GALNT14: variants seen among roughly 807,000 people sequenced by gnomAD.
The protein encoded by GALNT14 is UDP-GalNAc:polypeptide N-acetylgalactosaminyltransferase 14.
In GALNT14, 60 loss-of-function variants were observed where a neutral mutation model predicts 77.5. That is an observed-to-expected ratio of 0.77 (90% CI 0.63 to 0.96). The LOEUF (loss-of-function observed/expected upper bound fraction) is 0.96. Among genes scored for constraint, GALNT14 ranks in the 40% least tolerant of loss-of-function variants. GALNT14 has a pLI of 0.00. For synonymous variants in GALNT14, 280 were observed against 281.7 expected (o/e 0.99, Z 0.06); for missense variants, 710 against 731.0 (o/e 0.97, Z 0.33).
chr2:31,028,890 G>A (rs982818113), intron 1 of GALNT14, among the ~76,000 whole-genome samples: 10 of 152,154 alleles, frequency 6.6e-5, no homozygotes, highest in East Asian at 1.9e-4. Flanking sequence ...AAGCAGCAAC[G>A]GCTGAGAGTA....
rs1053824414 is a variant in GALNT14, at chr2:30,966,184, G to A, written c.398+20C>T. ...AGTGCTGGCCCAGAGCTGGCCAACA[G>A]ACAAGCAAGGATGCCTCACCTGCGG... On this transcript the variant is annotated intron_variant, in intron 3 of 14. Coordinates refer to ENST00000349752, the MANE Select transcript of GALNT14 (RefSeq NM_024572.4). 1.2e-6 allele frequency: 2 copies of A among 1,607,652 alleles called. No individual in the cohort carries two copies. The highest frequency in any genetic ancestry group is 2.7e-5 in the African/African-American group (2 of 74,800).
At position 30,956,174 on chromosome 2, in the gene GALNT14, C is replaced by A. The variant is rs1667358715; in HGVS notation, c.467-197G>T. On this transcript the variant is annotated intron_variant, in intron 4 of 14. Transcript: ENST00000349752. ...AGATCACTGCTGTCATACAAGGTGG[C>A]CAGTCTAGGGCAAAGAGGCCTCAAC... Among the ~76,000 whole-genome samples the A allele has an allele frequency of 5.9e-5, 9 of 152,138 alleles. No homozygotes were observed. In the South Asian group the frequency reaches 1.9e-3, roughly 32 times the overall value.
chr2:31,118,064 T>C (rs1217390927), intron 1 of GALNT14, among the ~76,000 whole-genome samples: 1 of 152,204 alleles, frequency 6.6e-6, no homozygotes, highest in Non-Finnish European at 1.5e-5. Context: ...TGAAATGCAA[T>C]CTTGCTGTGT....
the GALNT14 span, among the ~76,000 whole-genome samples, chr2:30,903,341 C>CT: frequency 2.0e-5 from 3 of 152,228 alleles, no homozygotes; most frequent in African/African-American, 7.2e-5. Flanking sequence ...GACATTAATT[C>CT]TTTGAGTGCT....
At chr2:31,093,209 T>G (rs1343252306) in intron 1 of GALNT14, among the ~76,000 whole-genome samples, 1 of 152,004 alleles carries the variant, frequency 6.6e-6, no homozygotes, top group Non-Finnish European at 1.5e-5. Flanking sequence ...TAAAGCAGAT[T>G]TATGGAGAGA....
the GALNT14 span, among the ~76,000 whole-genome samples, chr2:30,897,114 G>A: frequency 6.6e-6 from 1 of 152,024 alleles, no homozygotes; most frequent in Non-Finnish European, 1.5e-5. Context: ...AGCTTTACCT[G>A]CCCCCCACTT....
intron 1 of GALNT14, among the ~76,000 whole-genome samples, chr2:31,111,598 C>CA (rs137928169): frequency 0.15 from 22,958 of 152,068 alleles, 1,745 homozygotes; most frequent in Middle Eastern, 0.18. Flanking sequence ...CCACAAATTG[C>CA]AAAAAAAGCT....
intron 10 of GALNT14, among the ~76,000 whole-genome samples, chr2:30,930,619 C>T (rs184941241): frequency 6.6e-6 from 1 of 152,260 alleles, no homozygotes; most frequent in East Asian, 1.9e-4. Context: ...CTGCTGAGGC[C>T]AAGTAAGGGA....
At chr2:30,924,718 C>T in intron 12 of GALNT14, 22 bp downstream of exon 12, 1 of 1,608,410 alleles carries the variant, frequency 6.2e-7, no homozygotes, top group Non-Finnish European at 8.5e-7. Context: ...CCAGCCAAAG[C>T]TCCAACAGGT....
At chr2:31,004,340 T>C (rs974852847) in intron 1 of GALNT14, among the ~76,000 whole-genome samples, 2 of 152,122 alleles carry the variant, frequency 1.3e-5, no homozygotes, top group Non-Finnish European at 2.9e-5. Context: ...AGGAGGCCAA[T>C]ACTGGAAGAG....
intron 1 of GALNT14, among the ~76,000 whole-genome samples, chr2:31,115,960 A>G (rs894571046): frequency 1.3e-5 from 2 of 152,178 alleles, no homozygotes; most frequent in East Asian, 3.8e-4. Flanking sequence ...GTTTGAAGCT[A>G]CAGTGAGCTA....
At chr2:31,125,142 C>G (rs768392754) in intron 1 of GALNT14, 2 of 1,540,290 alleles carry the variant, frequency 1.3e-6, no homozygotes, top group Non-Finnish European at 1.8e-6. Flanking sequence ...TGGGGACACA[C>G]AGTCAACCTA....
At chr2:31,137,349 A>G (rs928190465) in intron 1 of GALNT14, among the ~76,000 whole-genome samples, 1 of 152,234 alleles carries the variant, frequency 6.6e-6, no homozygotes, top group Non-Finnish European at 1.5e-5. Context: ...ACTCCCCGCC[A>G]ATACCAAGGC....
intron 1 of GALNT14, among the ~76,000 whole-genome samples, chr2:31,100,772 C>T (rs1417718850): frequency 6.6e-6 from 1 of 151,780 alleles, no homozygotes; most frequent in African/African-American, 2.4e-5. Context: ...CTGATAAACC[C>T]ATAAGTTGAA....
chr2:30,913,654 G>A (rs749480711), intron 13 of GALNT14, among the ~76,000 whole-genome samples: 1 of 152,120 alleles, frequency 6.6e-6, no homozygotes, highest in Non-Finnish European at 1.5e-5. Context: ...GTACAATGAC[G>A]CCTGGCTCTC....
chr2:31,003,808 A>G (rs561860506), intron 1 of GALNT14, among the ~76,000 whole-genome samples: 2 of 152,264 alleles, frequency 1.3e-5, no homozygotes, highest in Admixed American at 6.5e-5. Flanking sequence ...ATAGAAAAAG[A>G]AACTCACATA....
intron 1 of GALNT14, among the ~76,000 whole-genome samples, chr2:31,057,634 A>G (rs1674317659): frequency 6.6e-6 from 1 of 151,930 alleles, no homozygotes; most frequent in Non-Finnish European, 1.5e-5. Flanking sequence ...TGAAATCACC[A>G]TGTGGCAACT....
chr2:30,894,308 G>GT, the GALNT14 span, among the ~76,000 whole-genome samples: 1 of 152,164 alleles, frequency 6.6e-6, no homozygotes, highest in South Asian at 2.1e-4. Flanking sequence ...TTGGATTTGA[G>GT]TAAATTAATA....
At chr2:31,115,383 CAT>C (rs777213344) in intron 1 of GALNT14, among the ~76,000 whole-genome samples, 1 of 152,060 alleles carries the variant, frequency 6.6e-6, no homozygotes, top group Non-Finnish European at 1.5e-5. Context: ...TCATAGAAAA[CAT>C]AACCCACATA....
Sources: gnomAD v4.1 joint callset for allele counts (sites outside exome capture counted in the v4.1 genomes callset) on GRCh38, gnomAD v4.1.1 for gene constraint, MANE v1.5 for transcripts, NCBI Gene and HGNC (gene_info 2026-07-23, HGNC 2026-07-21) for gene names.